Variants in PDE10A observed in about 807,000 individuals in gnomAD.
The protein encoded by PDE10A is phosphodiesterase 10A, also known as cAMP and cAMP-inhibited cGMP 3',5'-cyclic phosphodiesterase 10A.
Under a neutral mutation model 97.7 loss-of-function variants are expected in PDE10A, and 39 were observed. The ratio of observed to expected loss-of-function variants is 0.40; its 90% CI spans 0.31 to 0.52. The LOEUF is 0.52. PDE10A is among the 20% of genes least tolerant of loss of function. PDE10A has a pLI of 0.56. For missense variants in PDE10A, 731 were observed against 1,047.8 expected (o/e 0.70, Z 4.17); for synonymous variants, 371 against 376.8 (o/e 0.98, Z 0.18).
chr6:165,900,326 G>T (rs1782068513), intron 1 of PDE10A, among the ~76,000 whole-genome samples: 1 of 152,062 alleles, frequency 6.6e-6, no homozygotes, highest in Admixed American at 6.6e-5. Flanking sequence ...ACAAAAATTA[G>T]CTGGGCATGA....
At chr6:165,511,148 T>C (rs1781483219) in intron 2 of PDE10A, among the ~76,000 whole-genome samples, 1 of 152,034 alleles carries the variant, frequency 6.6e-6, no homozygotes, top group African/African-American at 2.4e-5. Context: ...ACTTTTCTGA[T>C]GTAGGTGTTT....
rs188820068 is a variant in PDE10A, at chr6:165,588,814, C to G, written c.866-45246G>C. Reference sequence around the variant, plus strand: ...CTAATCCACCACTTATTAATGTAACCTCTCTCTGGACAATTTCCCTACCTA... The same window carrying G: ...CTAATCCACCACTTATTAATGTAACGTCTCTCTGGACAATTTCCCTACCTA... On this transcript the variant is annotated intron_variant, in intron 1 of 21. Transcript: ENST00000539869. Among the ~76,000 whole-genome samples the G allele has an allele frequency of 4.7e-3, 709 of 152,156 alleles. 2 individuals are homozygous for G. Among genetic ancestry groups the G allele is most frequent in the Non-Finnish European group, 7.6e-3 (520 of 67,996 alleles).
intron 9 of PDE10A, 139 bp from the exon 10 acceptor site, chr6:165,428,848 GC>G (rs1789349787): frequency 1.4e-5 from 7 of 488,646 alleles, no homozygotes; most frequent in Non-Finnish European, 1.4e-5. Context: ...TTCTGCTTTG[GC>G]AAAAAAAAAA....
chr6:165,443,156 C>G (rs1272936746), intron 5 of PDE10A, among the ~76,000 whole-genome samples: 1 of 148,752 alleles, frequency 6.7e-6, no homozygotes, highest in Non-Finnish European at 1.5e-5. Flanking sequence ...AAAGTCTCAT[C>G]TGAGACAATG....
chr6:165,727,207 C>T (rs1031487593), intron 1 of PDE10A, among the ~76,000 whole-genome samples: 1 of 152,220 alleles, frequency 6.6e-6, no homozygotes. Flanking sequence ...CTTAGTGACT[C>T]AGGACGGAGG....
chr6:165,808,438 G>A (rs770752533), intron 1 of PDE10A, among the ~76,000 whole-genome samples: 17 of 152,118 alleles, frequency 1.1e-4, no homozygotes, highest in South Asian at 2.1e-4. Context: ...TGGTGACCTG[G>A]GACCAGCCCT....
rs760596201 is a variant in PDE10A at position 165,333,019 on chromosome 6, C to T, written c.*6G>A. ...AGGTGGGACAGCGTGTCAGGGTGAC[C>T]AGTGCTCAATCTTCAGATGCAGCTG... is the stretch of plus-strand genomic sequence containing the variant. On this transcript the variant is annotated 3_prime_UTR_variant, in exon 22 of 22. Coordinates refer to ENST00000539869, the MANE Select transcript of PDE10A (RefSeq NM_001385079.1). The T allele has an allele frequency of 5.8e-6, 9 of 1,553,766 alleles. No homozygotes were observed. The highest frequency in any genetic ancestry group is 6.2e-6 in the Non-Finnish European group (7 of 1,125,568).
At chr6:165,443,446 G>A (rs568317366) in intron 5 of PDE10A, among the ~76,000 whole-genome samples, 1 of 152,188 alleles carries the variant, frequency 6.6e-6, no homozygotes, top group Non-Finnish European at 1.5e-5. Context: ...GTTCTGCAGG[G>A]TATGGCCCCT....
intron 1 of PDE10A, among the ~76,000 whole-genome samples, chr6:165,760,879 C>T (rs1793232404): frequency 6.6e-6 from 1 of 152,200 alleles, no homozygotes; most frequent in Non-Finnish European, 1.5e-5. Flanking sequence ...TTCAAAGCCT[C>T]TTCCTGGTCT....
At chr6:165,954,719 CA>C (rs1282616294) in intron 1 of PDE10A, among the ~76,000 whole-genome samples, 2 of 152,064 alleles carry the variant, frequency 1.3e-5, no homozygotes, top group Non-Finnish European at 2.9e-5. Context: ...GGGATCGCAC[CA>C]GAAGGCCTTA....
chr6:165,537,832 C>CA (rs1407638633), intron 2 of PDE10A, among the ~76,000 whole-genome samples: 5 of 151,200 alleles, frequency 3.3e-5, no homozygotes, highest in African/African-American at 4.9e-5. Context: ...ACATTTGAGA[C>CA]AAAAAAATTG....
intron 2 of PDE10A, among the ~76,000 whole-genome samples, chr6:165,490,704 T>C (rs912403757): frequency 6.6e-6 from 1 of 152,194 alleles, no homozygotes. Context: ...TGGTGGTTCA[T>C]GCCAGTTGGG....
rs148532766 is a variant in PDE10A at position 165,612,775 on chromosome 6, C to T, written c.865+49172G>A. Among the ~76,000 whole-genome samples the T allele has an allele frequency of 4.6e-3, 706 of 152,290 alleles. 11 individuals are homozygous for T. Among genetic ancestry groups the T allele is most frequent in the African/African-American group, 0.016 (675 of 41,568 alleles). ...TTCCAGCAAGACTGTCTCGCCTCAC[C>T]ACATATCTTTTCCAGCAAGACAGTC... is the stretch of plus-strand genomic sequence containing the variant. On this transcript the variant is annotated intron_variant, in intron 1 of 21. Coordinates refer to ENST00000539869, the MANE Select transcript of PDE10A (RefSeq NM_001385079.1).
intron 1 of PDE10A, among the ~76,000 whole-genome samples, chr6:165,582,508 T>G (rs1785672257): frequency 6.6e-6 from 1 of 151,954 alleles, no homozygotes; most frequent in African/African-American, 2.4e-5. Context: ...ATAAAATAAA[T>G]CTACCTATGT....
At chr6:165,770,836 G>A (rs191894717) in intron 1 of PDE10A, among the ~76,000 whole-genome samples, 19 of 152,350 alleles carry the variant, frequency 1.2e-4, no homozygotes, top group Non-Finnish European at 2.6e-4. Flanking sequence ...AGCACTTGGA[G>A]GCTTCGCTGG....
chr6:165,527,430 G>A (rs1782512314), intron 2 of PDE10A, among the ~76,000 whole-genome samples: 1 of 152,218 alleles, frequency 6.6e-6, no homozygotes, highest in Non-Finnish European at 1.5e-5. Flanking sequence ...CAGGGATGCT[G>A]TTTGGAGCCT....
chr6:165,792,342 G>A (rs1049370672), intron 1 of PDE10A, among the ~76,000 whole-genome samples: 1 of 152,204 alleles, frequency 6.6e-6, no homozygotes, highest in Non-Finnish European at 1.5e-5. Flanking sequence ...TCTCCTGTAA[G>A]GGAGCGGGAA....
intron 1 of PDE10A, among the ~76,000 whole-genome samples, chr6:165,832,525 G>T (rs1176118285): frequency 6.6e-6 from 1 of 152,164 alleles, no homozygotes; most frequent in Non-Finnish European, 1.5e-5. Context: ...TGTCAGGAGG[G>T]CACTTCTGCT....
At chr6:165,596,231 C>T (rs1305915558) in intron 1 of PDE10A, among the ~76,000 whole-genome samples, 1 of 152,118 alleles carries the variant, frequency 6.6e-6, no homozygotes, top group African/African-American at 2.4e-5. Flanking sequence ...TTGGCTGTAC[C>T]CTGAAAAAGT....
Sources: gnomAD v4.1 joint callset for allele counts (sites outside exome capture counted in the v4.1 genomes callset) on GRCh38, gnomAD v4.1.1 for gene constraint, MANE v1.5 for transcripts, NCBI Gene and HGNC (gene_info 2026-07-23, HGNC 2026-07-21) for gene names.